The following DNAJB1 variants were observed in gnomAD, a reference collection of about 807,000 sequenced individuals.
DNAJB1 encodes the protein dnaJ homolog subfamily B member 1.
DNAJB1 carries 14 observed loss-of-function variants against 24.0 expected under a neutral mutation model. The observed-to-expected ratio is 0.58, with a 90% CI of 0.39 to 0.91. DNAJB1 has a LOEUF of 0.91. Ranked by LOEUF, DNAJB1 falls within the 40% of genes least tolerant of loss-of-function variation. DNAJB1 has a pLI of 0.00. For synonymous variants in DNAJB1, 262 were observed against 174.4 expected (o/e 1.50, Z -3.96); for missense variants, 517 against 458.1 (o/e 1.13, Z -1.17).
At position 14,515,988 on chromosome 19, in the gene DNAJB1, C is replaced by T; in HGVS notation, c.975G>A (p.Arg325=). 6.2e-7 allele frequency: 1 copy of T among 1,610,038 alleles called. No homozygotes were observed. Among genetic ancestry groups the T allele is most frequent in the South Asian group, 1.1e-5 (1 of 90,862 alleles). ...IIEFEVIFPE[R]IPQTSRTVLE... ...GTACGGTTCTTGATGTCTGGGGAAT[C>T]CTTTCGGGGAAGATCACTTCAAACT... is the stretch of plus-strand genomic sequence containing the variant. Residue 325 remains arginine, a synonymous_variant, in exon 3 of 3, where the codon AGG becomes AGA. Transcript: ENST00000254322.
intron 1 of DNAJB1, among the ~76,000 whole-genome samples, chr19:14,558,523 G>C (rs1599486079): frequency 1.3e-5 from 2 of 152,254 alleles, no homozygotes; most frequent in Non-Finnish European, 2.9e-5. Flanking sequence ...TGGGCCTCCT[G>C]GTGAGAATTC....
At chr19:14,522,683 G>GACACACACACACACACACAC (rs56121204), upstream of DNAJB1, among the ~76,000 whole-genome samples, 2 of 117,926 alleles carry the variant, frequency 1.7e-5, no homozygotes, top group Non-Finnish European at 3.5e-5. Context: ...CACACACACA[G>GACACACACACACACACACAC]ACACACACAC....
intron 1 of DNAJB1, among the ~76,000 whole-genome samples, chr19:14,549,274 G>A (rs1385813713): frequency 2.1e-5 from 3 of 142,436 alleles, no homozygotes; most frequent in Non-Finnish European, 4.5e-5. Context: ...GTGCAGTGGT[G>A]CGATCTCAGC....
At chr19:14,516,396 C>G in intron 2 of DNAJB1, 70 bp downstream of exon 2, 1 of 1,514,166 alleles carries the variant, frequency 6.6e-7, no homozygotes, top group Non-Finnish European at 9.0e-7. Context: ...CACATTGGTT[C>G]AGCAAATACT....
At chr19:14,557,392 C>T (rs971902411) in intron 1 of DNAJB1, among the ~76,000 whole-genome samples, 4 of 150,126 alleles carry the variant, frequency 2.7e-5, no homozygotes, top group Admixed American at 6.7e-5. Context: ...CTGCCTGCTT[C>T]GGCCTCCCAA....
At chr19:14,524,103 T>C (rs2072391909) in intron 2 of DNAJB1, among the ~76,000 whole-genome samples, 1 of 152,154 alleles carries the variant, frequency 6.6e-6, no homozygotes, top group African/African-American at 2.4e-5. Context: ...GAGAGTAAAA[T>C]GCTGAAGTGT....
At chr19:14,528,798 G>A (rs2146539568) in intron 1 of DNAJB1, among the ~76,000 whole-genome samples, 1 of 152,176 alleles carries the variant, frequency 6.6e-6, no homozygotes, top group East Asian at 1.9e-4. Context: ...ACAAAAATTA[G>A]TCGGGCGTGG....
At chr19:14,539,077 G>C (rs1405413781) in intron 1 of DNAJB1, among the ~76,000 whole-genome samples, 2 of 148,506 alleles carry the variant, frequency 1.3e-5, no homozygotes, top group Non-Finnish European at 3.0e-5. Flanking sequence ...GGGTTCATGC[G>C]ATTCTCCTGC....
intron 1 of DNAJB1, among the ~76,000 whole-genome samples, chr19:14,543,404 T>C (rs1321594529): frequency 1.9e-4 from 2 of 10,810 alleles, no homozygotes; most frequent in African/African-American, 5.5e-4. Context: ...TATATATATA[T>C]ATATATATAT....
intron 1 of DNAJB1, among the ~76,000 whole-genome samples, chr19:14,546,269 G>A (rs1158605544): frequency 7.3e-6 from 1 of 137,596 alleles, no homozygotes; most frequent in Non-Finnish European, 1.7e-5. Flanking sequence ...TCTAGATTTG[G>A]GATTTTTTTT....
upstream of DNAJB1, chr19:14,529,561 C>T (rs1351113591): frequency 7.3e-7 from 1 of 1,368,620 alleles, no homozygotes; most frequent in African/African-American, 1.4e-5. Flanking sequence ...GGGGCGCGCG[C>T]GGCCTGGAGG....
chr19:14,558,015 A>G (rs2073791446), intron 1 of DNAJB1, among the ~76,000 whole-genome samples: 1 of 152,078 alleles, frequency 6.6e-6, no homozygotes. Flanking sequence ...TCGGCCTCCC[A>G]AAGTGCTGGC....
chr19:14,529,302 G>A (rs149311488), exon 1 of DNAJB1: 17 of 389,938 alleles, frequency 4.4e-5, no homozygotes, highest in African/African-American at 2.5e-4. Context: ...TGGCCTAACC[G>A]TCGCTTACCT....
chr19:14,547,730 T>C (rs2146593409), intron 1 of DNAJB1, among the ~76,000 whole-genome samples: 1 of 151,700 alleles, frequency 6.6e-6, no homozygotes, highest in African/African-American at 2.4e-5. Context: ...GCTATTATAG[T>C]TCACTGCAGC....
chr19:14,548,317 G>C (rs1302380858), intron 1 of DNAJB1, among the ~76,000 whole-genome samples: 1 of 151,988 alleles, frequency 6.6e-6, no homozygotes, highest in African/African-American at 2.4e-5. Context: ...TTTTCCTCTT[G>C]AACCTGCATT....
At chr19:14,529,911 A>C, upstream of DNAJB1, 2 of 747,544 alleles carry the variant, frequency 2.7e-6, no homozygotes, top group South Asian at 1.7e-5. Flanking sequence ...ATAAATCTGC[A>C]ACCCAGGCTG....
chr19:14,523,116 G>T (rs1240418261), upstream of DNAJB1, among the ~76,000 whole-genome samples: 1 of 151,994 alleles, frequency 6.6e-6, no homozygotes, highest in Non-Finnish European at 1.5e-5. Context: ...TGAGGCAGGA[G>T]AATCGCTTGA....
In DNAJB1 at chr19:14,516,167, G is replaced by C. The variant is rs144022754; in HGVS notation, c.796C>G (p.Leu266Val). ...GGGACGTTCACTGTGCAGCCACACA[G>C]AGCCTTGAAAAGCAAAAGGACAGCA... ...YPARISLREA[L>V]CGCTVNVPTL... is the part of the protein sequence containing the mutation. The change falls in exon 3 of 3, where the codon CTG becomes GTG. Residue 266 changes from leucine to valine, a missense_variant. Physicochemically the swap from Leu to Val is conservative, Grantham distance 32. Transcript: ENST00000254322. The C allele has an allele frequency of 1.1e-5, 17 of 1,613,468 alleles. No homozygotes were observed. The African/African-American group carries it at 1.7e-4, about 16-fold the overall frequency.
At chr19:14,516,394 T>C (rs1424059428) in intron 2 of DNAJB1, 72 bp downstream of exon 2, 1 of 1,511,352 alleles carries the variant, frequency 6.6e-7, no homozygotes, top group Non-Finnish European at 9.0e-7. Flanking sequence ...AACACATTGG[T>C]TCAGCAAATA....
Sources: allele counts gnomAD v4.1 joint callset (sites outside exome capture counted in the v4.1 genomes callset), GRCh38; gene constraint gnomAD v4.1.1; transcripts MANE v1.5; gene names NCBI Gene and HGNC (gene_info 2026-07-23, HGNC 2026-07-21).